The following FGF1 variants were observed in gnomAD, a reference collection of about 807,000 sequenced individuals.
FGF1 encodes fibroblast growth factor 1.
FGF1 carries 9 observed loss-of-function variants against 13.4 expected under a neutral mutation model. The ratio of observed to expected loss-of-function variants is 0.67; its 90% CI spans 0.40 to 1.17. The LOEUF (loss-of-function observed/expected upper bound fraction) is 1.17, where lower values mean the gene tolerates loss of function less well. Ranked by LOEUF, FGF1 falls within the 50% of genes most tolerant of loss-of-function variation. The probability of loss-of-function intolerance (pLI) is 0.01; values close to 1 mark genes in which losing one functional copy is unlikely to be tolerated. For missense variants in FGF1, 156 were observed against 192.7 expected (o/e 0.81, Z 1.13); for synonymous variants, 93 against 79.0 (o/e 1.18, Z -0.94).
intron 2 of FGF1, among the ~76,000 whole-genome samples, chr5:142,607,468 C>A (rs535572697): frequency 1.8e-4 from 28 of 152,314 alleles, no homozygotes; most frequent in African/African-American, 6.7e-4. Context: ...TAGGGTACTT[C>A]ATTTTCCCCT....
chr5:142,661,404 T>C (rs1165686360), intron 1 of FGF1, among the ~76,000 whole-genome samples: 2 of 152,208 alleles, frequency 1.3e-5, no homozygotes, highest in Non-Finnish European at 2.9e-5. Flanking sequence ...GAATGTAAAA[T>C]GGTGCAGCCA....
intron 2 of FGF1, among the ~76,000 whole-genome samples, chr5:142,612,756 TC>T (rs17223688): frequency 0.095 from 14,389 of 152,020 alleles, 1,106 homozygotes; most frequent in African/African-American, 0.21. Flanking sequence ...GCCTTCCTGC[TC>T]CTCATCTCCA....
At chr5:142,625,588 G>A (rs763905632) in intron 1 of FGF1, among the ~76,000 whole-genome samples, 2 of 152,102 alleles carry the variant, frequency 1.3e-5, no homozygotes, top group Non-Finnish European at 2.9e-5. Context: ...GGTACACCAC[G>A]GTCCAAACCA....
intron 1 of FGF1, among the ~76,000 whole-genome samples, chr5:142,684,158 T>C (rs1331775240): frequency 1.3e-5 from 2 of 152,210 alleles, no homozygotes; most frequent in East Asian, 3.9e-4. Flanking sequence ...CCTAATAGTT[T>C]ATGTGTAGTT....
rs183414452 is a variant in FGF1, at chr5:142,667,502, T to C, written c.-35+18455A>G. On this transcript the variant is annotated intron_variant, in intron 1 of 3. Transcript: ENST00000337706. ...TTGGGAGGCTGAGGCAGGAGAAAGGTGTGAACCTGGGAGGCGGAGCTTGCA... is the reference window on the plus strand; with the variant it reads ...TTGGGAGGCTGAGGCAGGAGAAAGGCGTGAACCTGGGAGGCGGAGCTTGCA... Among the ~76,000 whole-genome samples the C allele has an allele frequency of 1.6e-3, 232 of 141,174 alleles. 1 individual carries two copies. The highest frequency in any genetic ancestry group is 6.7e-3 in the East Asian group (32 of 4,802). The allele number at this position is 141,174 out of a possible 152,430, so 92.6% of individuals were successfully genotyped here. A position where few individuals can be genotyped will look rare whatever the true frequency, so the allele number is the denominator to read the frequency against.
At chr5:142,689,439 A>T (rs527715442), upstream of FGF1, among the ~76,000 whole-genome samples, 1 of 152,310 alleles carries the variant, frequency 6.6e-6, no homozygotes, top group African/African-American at 2.4e-5. Context: ...TTCGTTGCTC[A>T]AGGAGACCAG....
chr5:142,627,820 T>C (rs540171986), intron 1 of FGF1, among the ~76,000 whole-genome samples: 1 of 152,382 alleles, frequency 6.6e-6, no homozygotes, highest in African/African-American at 2.4e-5. Context: ...TTGCATTTTT[T>C]CTTTTTAAGG....
chr5:142,636,284 C>G (rs543676938), intron 1 of FGF1, among the ~76,000 whole-genome samples: 1 of 152,356 alleles, frequency 6.6e-6, no homozygotes, highest in Admixed American at 6.5e-5. Context: ...GAAACCGGAT[C>G]TCAAAAACTG....
chr5:142,630,705 C>T (rs1246418942), intron 1 of FGF1, among the ~76,000 whole-genome samples: 1 of 152,124 alleles, frequency 6.6e-6, no homozygotes, highest in African/African-American at 2.4e-5. Flanking sequence ...ACAAATTGGT[C>T]CCTCTGCAGC....
At chr5:142,649,739 A>G (rs572751273) in intron 1 of FGF1, among the ~76,000 whole-genome samples, 13 of 152,254 alleles carry the variant, frequency 8.5e-5, no homozygotes, top group Admixed American at 5.9e-4. Flanking sequence ...CACTATTACC[A>G]AAACTGCTGC....
At chr5:142,697,226 T>C (rs2152076227) in intron 2 of FGF1, among the ~76,000 whole-genome samples, 1 of 152,348 alleles carries the variant, frequency 6.6e-6, no homozygotes, top group Middle Eastern at 3.4e-3. Flanking sequence ...CGACAAAGAA[T>C]CAGCTGGCAT....
upstream of FGF1, among the ~76,000 whole-genome samples, chr5:142,688,743 C>T (rs115943866): frequency 6.2e-3 from 937 of 152,336 alleles, 8 homozygotes; most frequent in African/African-American, 0.022. Context: ...GAGACGTGGG[C>T]TTGCCCCGGA....
intron 1 of FGF1, among the ~76,000 whole-genome samples, chr5:142,623,982 C>T (rs1652172397): frequency 6.6e-6 from 1 of 151,984 alleles, no homozygotes; most frequent in Non-Finnish European, 1.5e-5. Context: ...TGCAATGGCA[C>T]AATCTTGGCT....
intron 1 of FGF1, among the ~76,000 whole-genome samples, chr5:142,651,386 C>T (rs1185813138): frequency 1.3e-5 from 2 of 152,082 alleles, no homozygotes; most frequent in African/African-American, 2.4e-5. Flanking sequence ...CCAGCAAAAC[C>T]GAGCAGAAAG....
intron 1 of FGF1, among the ~76,000 whole-genome samples, chr5:142,673,631 C>T (rs903465259): frequency 6.6e-6 from 1 of 152,168 alleles, no homozygotes; most frequent in Non-Finnish European, 1.5e-5. Flanking sequence ...CAGCCTGACT[C>T]TTTTGTGGTC....
intron 1 of FGF1, among the ~76,000 whole-genome samples, chr5:142,652,152 G>A (rs1227216744): frequency 6.6e-6 from 1 of 152,130 alleles, no homozygotes; most frequent in Non-Finnish European, 1.5e-5. Flanking sequence ...ATGGGTCTGG[G>A]ATTTGAACCC....
chr5:142,626,346 G>C (rs552669670), intron 1 of FGF1, among the ~76,000 whole-genome samples: 1 of 152,290 alleles, frequency 6.6e-6, no homozygotes, highest in African/African-American at 2.4e-5. Flanking sequence ...GTGAGGCTCA[G>C]AAAGTTTATG....
At chr5:142,678,503 T>C in intron 1 of FGF1, among the ~76,000 whole-genome samples, 1 of 152,100 alleles carries the variant, frequency 6.6e-6, no homozygotes, top group South Asian at 2.1e-4. Flanking sequence ...CTTGGTGACA[T>C]CATGAAAAAG....
In FGF1 at chr5:142,672,686, G is replaced by A. The variant is rs1771724133; in HGVS notation, c.-35+13271C>T. Among the ~76,000 whole-genome samples the A allele has an allele frequency of 5.3e-5, 8 of 151,970 alleles. No individual in the cohort carries two copies. The South Asian group carries it at 1.7e-3, about 32-fold the overall frequency. On this transcript the variant is annotated intron_variant, in intron 1 of 3. Transcript: ENST00000337706. Reference sequence around the variant, plus strand: ...TGCCTGGCTAATTTTTGTATTTTTAGTAGAGATGGGGTTTCACCCTGTTGG... The same window carrying A: ...TGCCTGGCTAATTTTTGTATTTTTAATAGAGATGGGGTTTCACCCTGTTGG...
Sources: allele counts gnomAD v4.1 joint callset (sites outside exome capture counted in the v4.1 genomes callset), GRCh38; gene constraint gnomAD v4.1.1; transcripts MANE v1.5; gene names NCBI Gene and HGNC (gene_info 2026-07-23, HGNC 2026-07-21).